SPAG1: variants seen among roughly 807,000 people sequenced by gnomAD.
SPAG1 encodes sperm associated antigen 1.
A neutral mutation model predicts 100.5 loss-of-function variants in SPAG1; 69 were observed. The observed-to-expected ratio is 0.69, with a 90% CI of 0.57 to 0.84. The LOEUF is 0.84. SPAG1 is among the 40% of genes least tolerant of loss of function. SPAG1 has a pLI of 0.00. For missense variants in SPAG1, 955 were observed against 1,133.1 expected (o/e 0.84, Z 2.26); for synonymous variants, 336 against 411.6 (o/e 0.82, Z 2.22).
intron 4 of SPAG1, among the ~76,000 whole-genome samples, chr8:100,182,937 G>T (rs1254491321): frequency 6.6e-6 from 1 of 151,658 alleles, no homozygotes; most frequent in Non-Finnish European, 1.5e-5. Context: ...AACTTCCAGG[G>T]TACCTATTTT....
At chr8:100,214,903 C>T (rs1007127350) in intron 12 of SPAG1, among the ~76,000 whole-genome samples, 3 of 150,302 alleles carry the variant, frequency 2.0e-5, no homozygotes. Context: ...TTGCTTGAAC[C>T]TGGGAGGCAG....
intron 10 of SPAG1, among the ~76,000 whole-genome samples, chr8:100,199,784 C>T (rs751694168): frequency 6.6e-6 from 1 of 152,018 alleles, no homozygotes; most frequent in Non-Finnish European, 1.5e-5. Flanking sequence ...TATCTTTTTA[C>T]TGTTGAGTTG....
intron 16 of SPAG1, among the ~76,000 whole-genome samples, chr8:100,235,846 C>T (rs537597403): frequency 6.6e-6 from 1 of 151,062 alleles, no homozygotes; most frequent in Admixed American, 6.6e-5. Context: ...CGCCGGCCCT[C>T]TTTTTTTTTG....
chr8:100,171,622 C>A lies in SPAG1; in HGVS notation c.300+5649C>A, dbSNP rs148484321. ...ATCCTCACAGTCTTGGCCTCCCTAA[C>A]GTCCAAACTTTGTCTGCTGAATTCA... On this transcript the variant is annotated intron_variant, in intron 3 of 18. Transcript: ENST00000388798. Among the ~76,000 whole-genome samples the A allele has an allele frequency of 3.3e-5, 5 of 152,292 alleles. No individual in the cohort carries two copies. In the East Asian group the frequency reaches 9.6e-4, roughly 29 times the overall value.
chr8:100,237,078 GTTTGTTA>G (rs1267431657), intron 16 of SPAG1, among the ~76,000 whole-genome samples: 1 of 152,010 alleles, frequency 6.6e-6, no homozygotes, highest in African/African-American at 2.4e-5. Context: ...TGTTGTTATT[GTTTGTTA>G]TTTGTTTATT....
chr8:100,235,429 GCAGT>G (rs1484475287), intron 16 of SPAG1, among the ~76,000 whole-genome samples: 1 of 152,178 alleles, frequency 6.6e-6, no homozygotes, highest in Non-Finnish European at 1.5e-5. Context: ...AGTTGACATA[GCAGT>G]CAAATGTCTA....
chr8:100,218,602 T>C (rs1453001725), intron 12 of SPAG1, among the ~76,000 whole-genome samples: 1 of 152,218 alleles, frequency 6.6e-6, no homozygotes. Context: ...TAAATAACAT[T>C]TACTGTTTTA....
chr8:100,225,446 GT>G, intron 14 of SPAG1, 107 bp downstream of exon 14: 1 of 1,014,692 alleles, frequency 9.9e-7, no homozygotes, highest in Non-Finnish European at 1.4e-6. Context: ...TCAGACCTAG[GT>G]TTAAGTGAAG....
chr8:100,162,823 C>G (rs13248578), intron 2 of SPAG1, among the ~76,000 whole-genome samples: 1 of 151,984 alleles, frequency 6.6e-6, no homozygotes, highest in Non-Finnish European at 1.5e-5. Context: ...ACAAAAAATA[C>G]GAAAATTACC....
At chr8:100,162,176 T>A (rs1390623176) in intron 1 of SPAG1, 103 bp from the exon 2 acceptor site, 4 of 1,033,632 alleles carry the variant, frequency 3.9e-6, no homozygotes, top group Non-Finnish European at 5.5e-6. Flanking sequence ...AAAAAATTTT[T>A]AAAAATTCAA....
Position 100,239,310 on chromosome 8 carries a change from T to C in SPAG1, c.2186T>C (p.Met729Thr), listed in dbSNP as rs1294480900. Residue 729 changes from methionine (M) to threonine (T), a missense_variant, in exon 17 of 19, where the codon ATG (methionine) becomes ACG (threonine). Transcript: ENST00000388798. This position sits in a 1 kb window ranked among gnomAD's most constrained non-coding sequence, Gnocchi z 5.0. Reference sequence around the variant, plus strand: ...GATCCAAGTATTATTGAGGCAAAGATGGAACTGGAAGAGGTAACTAGACTC... The same window carrying C: ...GATCCAAGTATTATTGAGGCAAAGACGGAACTGGAAGAGGTAACTAGACTC... Reference protein sequence around the residue: ...LLDPSIIEAKMELEEVTRLLN... With the variant: ...LLDPSIIEAKTELEEVTRLLN... 1.3e-6 allele frequency: 2 copies of C among 1,562,988 alleles called. No individual in the cohort carries two copies. Among genetic ancestry groups the C allele is most frequent in the African/African-American group, 1.4e-5 (1 of 71,722 alleles).
intron 13 of SPAG1, among the ~76,000 whole-genome samples, chr8:100,222,212 C>T (rs568691743): frequency 6.6e-6 from 1 of 152,328 alleles, no homozygotes; most frequent in Admixed American, 6.5e-5. Context: ...TTGCCCTGAT[C>T]CACTGTCTCC....
At chr8:100,237,747 T>C (rs543822711) in intron 16 of SPAG1, among the ~76,000 whole-genome samples, 1 of 152,280 alleles carries the variant, frequency 6.6e-6, no homozygotes, top group East Asian at 1.9e-4. Context: ...TTCATGCTTG[T>C]CTGCAGTGCT....
chr8:100,239,510 A>G lies in SPAG1; in HGVS notation c.2280+106A>G, dbSNP rs780061280. On this transcript the variant is annotated intron_variant, in intron 17 of 18. Coordinates refer to ENST00000388798, the MANE Select transcript of SPAG1 (RefSeq NM_003114.5). This position sits in a 1 kb window ranked among gnomAD's most constrained non-coding sequence, Gnocchi z 5.0. The stretch of plus-strand genomic sequence containing the variant: ...AAAACATTTTTAATTTTGTGTTTTT[A>G]TTCTGATGATCAGTGACAAAATTTT... 7 of 747,422 alleles carry G rather than the reference A, an allele frequency of 9.4e-6. No individual in the cohort carries two copies. The highest frequency in any genetic ancestry group is 1.5e-5 in the Non-Finnish European group (7 of 453,014). 46.3% of individuals were successfully genotyped at this position (747,422 alleles called of 1,614,324 possible).
rs377117679 is a variant in SPAG1, at chr8:100,187,166, C to G, written c.748C>G (p.Gln250Glu). ...PTVVAYNNRA[Q>E]AEIKLQNWNS... ...TGTAGTTGCCTATAACAATCGAGCT[C>G]AAGCAGAAATCAAATTACAGAACTG... is the stretch of plus-strand genomic sequence containing the variant. The change falls in exon 8 of 19, where the codon CAA (glutamine) becomes GAA (glutamate). Residue 250 changes from glutamine to glutamate, a missense_variant. Coordinates refer to ENST00000388798, the MANE Select transcript of SPAG1 (RefSeq NM_003114.5). 5.2e-5 allele frequency: 84 copies of G among 1,612,796 alleles called. No homozygotes were observed. The highest frequency in any genetic ancestry group is 6.9e-5 in the Non-Finnish European group (81 of 1,179,372).
intron 10 of SPAG1, among the ~76,000 whole-genome samples, chr8:100,202,602 C>T (rs1482834720): frequency 4.8e-5 from 7 of 144,434 alleles, no homozygotes; most frequent in Non-Finnish European, 9.0e-5. Context: ...CCCAGCTACT[C>T]GGGAGGCTGA....
intron 12 of SPAG1, among the ~76,000 whole-genome samples, chr8:100,218,551 C>T (rs1378415252): frequency 6.6e-6 from 1 of 152,182 alleles, no homozygotes; most frequent in Non-Finnish European, 1.5e-5. Flanking sequence ...GATCTATTTT[C>T]TAGTGTTGAA....
At chr8:100,237,446 G>A (rs879464491) in intron 16 of SPAG1, among the ~76,000 whole-genome samples, 33 of 152,160 alleles carry the variant, frequency 2.2e-4, no homozygotes, top group Non-Finnish European at 4.0e-4. Flanking sequence ...TGTAGAAAAA[G>A]GAGGCTCTCT....
intron 13 of SPAG1, among the ~76,000 whole-genome samples, chr8:100,220,884 C>T (rs1245657356): frequency 1.3e-5 from 2 of 151,990 alleles, no homozygotes. Context: ...ACCAGCCTGG[C>T]CAACATGGCG....
Sources: gnomAD v4.1 joint callset for allele counts (sites outside exome capture counted in the v4.1 genomes callset) on GRCh38, gnomAD v4.1.1 for gene constraint, Gnocchi (gnomAD v3.1) non-coding constraint, MANE v1.5 for transcripts, NCBI Gene and HGNC (gene_info 2026-07-23, HGNC 2026-07-21) for gene names.